FOXN3: variants seen among roughly 807,000 people sequenced by gnomAD.
FOXN3 encodes the protein forkhead box protein N3.
In FOXN3, 7 loss-of-function variants were observed where a neutral mutation model predicts 38.4. The ratio of observed to expected loss-of-function variants is 0.18; its 90% CI spans 0.10 to 0.34. The LOEUF (loss-of-function observed/expected upper bound fraction) is 0.34. Ranked by LOEUF, FOXN3 falls within the 10% of genes least tolerant of loss-of-function variation. The probability of loss-of-function intolerance (pLI) is 1.00; values close to 1 mark genes in which losing one functional copy is unlikely to be tolerated. For synonymous variants in FOXN3, 230 were observed against 242.2 expected (o/e 0.95, Z 0.47); for missense variants, 456 against 613.4 (o/e 0.74, Z 2.71).
chr14:89,406,501 T>C (rs564006060), intron 2 of FOXN3, among the ~76,000 whole-genome samples: 1 of 152,296 alleles, frequency 6.6e-6, no homozygotes, highest in East Asian at 1.9e-4. Context: ...CTGCACTTGC[T>C]AGCTGTGCAA....
chr14:89,480,988 G>A (rs994813704), intron 1 of FOXN3, among the ~76,000 whole-genome samples: 4 of 152,166 alleles, frequency 2.6e-5, no homozygotes, highest in Admixed American at 1.3e-4. Flanking sequence ...CACTGATTAG[G>A]AAGGCCAGGA....
intron 2 of FOXN3, among the ~76,000 whole-genome samples, chr14:89,384,024 G>C (rs1179613397): frequency 1.3e-5 from 2 of 152,138 alleles, no homozygotes; most frequent in Admixed American, 6.6e-5. Flanking sequence ...AATTTGGTGG[G>C]GGGGGACATT....
At chr14:89,339,933 C>T (rs1566960902) in intron 3 of FOXN3, among the ~76,000 whole-genome samples, 1 of 152,140 alleles carries the variant, frequency 6.6e-6, no homozygotes, top group Non-Finnish European at 1.5e-5. Flanking sequence ...ATGTGTTTCT[C>T]ATCAGTAGAA....
At chr14:89,225,429 C>G (rs1884606064) in intron 4 of FOXN3, among the ~76,000 whole-genome samples, 2 of 151,666 alleles carry the variant, frequency 1.3e-5, no homozygotes, top group East Asian at 3.9e-4. Context: ...ATGGTGAAAC[C>G]CCGTCTCTAC....
At chr14:89,435,246 C>T (rs1892252935) in intron 1 of FOXN3, among the ~76,000 whole-genome samples, 2 of 151,850 alleles carry the variant, frequency 1.3e-5, no homozygotes, top group South Asian at 2.1e-4. Context: ...ATTAGCTGGG[C>T]GGTGCACACC....
chr14:89,309,393 C>T (rs1887466992), intron 3 of FOXN3, among the ~76,000 whole-genome samples: 1 of 152,186 alleles, frequency 6.6e-6, no homozygotes, highest in Non-Finnish European at 1.5e-5. Flanking sequence ...AGAGGGGCAC[C>T]TGGAAACCAG....
At position 89,259,742 on chromosome 14, in the gene FOXN3, A is replaced by G. The variant is rs540786988; in HGVS notation, c.745+21208T>C. Among the ~76,000 whole-genome samples the G allele has an allele frequency of 1.1e-4, 16 of 152,350 alleles. No individual in the cohort carries two copies. The East Asian group carries it at 3.1e-3, about 29-fold the overall frequency. ...GGTAGTGAGCACCAAAGTACAGACCAGGGCTCGGCAGAAACTTCCAGGCTT... is the reference window on the plus strand; with the variant it reads ...GGTAGTGAGCACCAAAGTACAGACCGGGGCTCGGCAGAAACTTCCAGGCTT... On this transcript the variant is annotated intron_variant, in intron 4 of 5. Transcript: ENST00000557258.
At chr14:89,439,657 CTTTTT>C (rs35535565) in intron 1 of FOXN3, among the ~76,000 whole-genome samples, 1 of 136,278 alleles carries the variant, frequency 7.3e-6, no homozygotes, top group Admixed American at 7.3e-5. Flanking sequence ...TCTTTTATTC[CTTTTT>C]TTTTTTTTTT....
chr14:89,325,115 C>T lies in FOXN3; in HGVS notation c.680+25557G>A, dbSNP rs540460926. ...CCACATGTGGCTAGTGACTACACAG[C>T]GGACAGCATAGACACAGAGTACTTC... is the stretch of plus-strand genomic sequence containing the variant. On this transcript the variant is annotated intron_variant, in intron 3 of 5. Transcript: ENST00000557258. Among the ~76,000 whole-genome samples the T allele has an allele frequency of 4.0e-4, 61 of 152,274 alleles. 1 individual carries two copies. Among genetic ancestry groups the T allele is most frequent in the Admixed American group, 1.6e-3 (24 of 15,292 alleles).
At chr14:89,205,841 C>T (rs1596102468) in intron 4 of FOXN3, among the ~76,000 whole-genome samples, 1 of 152,378 alleles carries the variant, frequency 6.6e-6, no homozygotes, top group Non-Finnish European at 1.5e-5. Context: ...CCACGACCTT[C>T]CCGTCTGCAT....
chr14:89,204,197 C>T (rs1439006299), intron 4 of FOXN3, among the ~76,000 whole-genome samples: 1 of 152,102 alleles, frequency 6.6e-6, no homozygotes, highest in Non-Finnish European at 1.5e-5. Flanking sequence ...GACATGAAAG[C>T]ACATTTCCCA....
intron 3 of FOXN3, among the ~76,000 whole-genome samples, chr14:89,292,800 C>T (rs914224403): frequency 6.6e-6 from 1 of 152,154 alleles, no homozygotes; most frequent in African/African-American, 2.4e-5. Context: ...CTAAGACGAG[C>T]GGTCACTGCC....
chr14:89,437,591 A>G (rs560938811), intron 1 of FOXN3, among the ~76,000 whole-genome samples: 43 of 152,320 alleles, frequency 2.8e-4, no homozygotes, highest in African/African-American at 1.0e-3. Flanking sequence ...TACTCCCACC[A>G]GTGCCATGAG....
chr14:89,308,040 G>A (rs1256198471), intron 3 of FOXN3, among the ~76,000 whole-genome samples: 1 of 152,160 alleles, frequency 6.6e-6, no homozygotes, highest in East Asian at 1.9e-4. Context: ...CGAGGTGGGC[G>A]GATCATCTGA....
intron 1 of FOXN3, among the ~76,000 whole-genome samples, chr14:89,448,781 A>C (rs1892560328): frequency 6.6e-6 from 1 of 151,902 alleles, no homozygotes; most frequent in Non-Finnish European, 1.5e-5. Context: ...TCTAAAAAAA[A>C]AATACAAAAA....
intron 1 of FOXN3, among the ~76,000 whole-genome samples, chr14:89,464,663 G>A (rs557804858): frequency 3.9e-5 from 6 of 152,096 alleles, no homozygotes; most frequent in African/African-American, 4.8e-5. Context: ...TGAATCATGG[G>A]GGCAGTTACC....
At chr14:89,177,015 T>C (rs898776825) in intron 5 of FOXN3, among the ~76,000 whole-genome samples, 19 of 147,884 alleles carry the variant, frequency 1.3e-4, no homozygotes, top group Admixed American at 2.0e-4. Flanking sequence ...CTTTCTTTTT[T>C]TTTTTTTTTT....
At chr14:89,491,726 A>G (rs554569432) in intron 1 of FOXN3, among the ~76,000 whole-genome samples, 1 of 152,302 alleles carries the variant, frequency 6.6e-6, no homozygotes, top group African/African-American at 2.4e-5. Context: ...ATGACTGGGA[A>G]TAAGATCCGT....
chr14:89,325,313 C>A (rs1333871319), intron 3 of FOXN3, among the ~76,000 whole-genome samples: 1 of 126,128 alleles, frequency 7.9e-6, no homozygotes, highest in Non-Finnish European at 1.7e-5. Flanking sequence ...ACCACCACCA[C>A]GACCACCACC....
Sources: gnomAD v4.1 joint callset for allele counts (sites outside exome capture counted in the v4.1 genomes callset) on GRCh38, gnomAD v4.1.1 for gene constraint, MANE v1.5 for transcripts, NCBI Gene and HGNC (gene_info 2026-07-23, HGNC 2026-07-21) for gene names.